Variants in ERMARD observed in about 807,000 individuals in gnomAD.
ERMARD encodes the protein endoplasmic reticulum membrane-associated RNA degradation protein.
ERMARD carries 71 observed loss-of-function variants against 83.9 expected under a neutral mutation model. That is an observed-to-expected ratio of 0.85 (90% confidence interval 0.70 to 1.03). The LOEUF is 1.03. Among genes scored for constraint, ERMARD ranks in the 50% least tolerant of loss-of-function variants. The pLI, the probability that ERMARD is intolerant of heterozygous loss-of-function variation, is 0.00. For missense variants in ERMARD, 838 were observed against 810.9 expected (o/e 1.03, Z -0.41); for synonymous variants, 284 against 298.6 (o/e 0.95, Z 0.50).
At chr6:169,758,090 T>G (rs928994641) in intron 5 of ERMARD, among the ~76,000 whole-genome samples, 13 of 152,218 alleles carry the variant, frequency 8.5e-5, no homozygotes, top group Non-Finnish European at 1.5e-4. Context: ...GTTCCAACAT[T>G]CAGTAGAACT....
chr6:169,773,240 C>A, intron 12 of ERMARD, 79 bp from the exon 13 acceptor site: 1 of 1,151,492 alleles, frequency 8.7e-7, no homozygotes, highest in Non-Finnish European at 1.3e-6. Flanking sequence ...AATGGGGACT[C>A]TAAGTGGCCT....
At chr6:169,775,760 G>A in intron 14 of ERMARD, 180 bp from the exon 15 acceptor site, 3 of 763,926 alleles carry the variant, frequency 3.9e-6, no homozygotes, top group Non-Finnish European at 6.1e-6. Context: ...TTTGCTCTTG[G>A]CATATGGCAT....
chr6:169,766,855 A>C (rs1190891713), intron 10 of ERMARD, among the ~76,000 whole-genome samples, 188 bp downstream of exon 10: 3 of 152,222 alleles, frequency 2.0e-5, no homozygotes, highest in African/African-American at 7.2e-5. Context: ...CAGTGTTACC[A>C]ATCTAGCTCC....
chr6:169,755,463 G>T (rs771286282), intron 3 of ERMARD, 41 bp downstream of exon 3: 1 of 1,610,514 alleles, frequency 6.2e-7, no homozygotes, highest in Admixed American at 1.7e-5. Flanking sequence ...AAGACTGTGC[G>T]AATACTACTT....
intron 12 of ERMARD, chr6:169,771,553 G>A (rs979647546): frequency 6.6e-6 from 1 of 152,168 alleles, no homozygotes; most frequent in Non-Finnish European, 1.5e-5. Context: ...GGCCCTCGTG[G>A]ATTGAGTTAG....
chr6:169,761,825 G>A (rs1038444824), intron 8 of ERMARD, among the ~76,000 whole-genome samples: 1 of 152,038 alleles, frequency 6.6e-6, no homozygotes, highest in African/African-American at 2.4e-5. Flanking sequence ...AGGGACTATA[G>A]GCATGCACCA....
Position 169,775,964 on chromosome 6 carries a change from T to C in ERMARD, c.1419T>C (p.Asn473=), listed in dbSNP as rs570581453. The C allele has an allele frequency of 1.0e-4, 168 of 1,614,094 alleles. 2 individuals carry two copies. The Middle Eastern group carries it at 1.6e-3, about 16-fold the overall frequency. ...GATTAGAAGATAATTCTGAAACAAA[T>C]GCCTGCCACTCTTTGATTACAAAAA... The part of the protein sequence containing the change: ...AVRLEDNSET[N]ACHSLITKMT... Residue 473 remains asparagine (N), a synonymous_variant, in exon 15 of 18, where the codon AAT becomes AAC. Coordinates refer to ENST00000366773, the MANE Select transcript of ERMARD (RefSeq NM_018341.3).
intron 11 of ERMARD, among the ~76,000 whole-genome samples, chr6:169,768,491 C>T (rs1250495666): frequency 6.6e-6 from 1 of 152,228 alleles, no homozygotes; most frequent in African/African-American, 2.4e-5. Flanking sequence ...GGTGCGGTGG[C>T]TCATGCCTAT....
intron 10 of ERMARD, chr6:169,767,792 CATATAA>C: frequency 2.7e-6 from 1 of 364,486 alleles, no homozygotes; most frequent in African/African-American, 2.1e-5. Context: ...GGCACAGTTG[CATATAA>C]ACACACAAAT....
chr6:169,771,523 CA>C, intron 12 of ERMARD: 1 of 152,140 alleles, frequency 6.6e-6, no homozygotes, highest in Non-Finnish European at 1.5e-5. Context: ...ACATACAACC[CA>C]AAAAACAAAT....
chr6:169,756,525 G>A, intron 4 of ERMARD, 86 bp downstream of exon 4: 1 of 1,107,362 alleles, frequency 9.0e-7, no homozygotes, highest in Non-Finnish European at 1.3e-6. Flanking sequence ...CAGTTTTCTT[G>A]ATTATTTTCC....
chr6:169,775,873 C>T (rs1793527661), intron 14 of ERMARD, 67 bp from the exon 15 acceptor site: 1 of 1,573,128 alleles, frequency 6.4e-7, no homozygotes, highest in South Asian at 1.2e-5. Flanking sequence ...ATTGAACATT[C>T]TTGTGCACAG....
intron 17 of ERMARD, among the ~76,000 whole-genome samples, chr6:169,779,960 A>G (rs1365512091): frequency 6.6e-6 from 1 of 152,230 alleles, no homozygotes; most frequent in African/African-American, 2.4e-5. Context: ...GTGTAGCTCC[A>G]GCTCCAGTCT....
chr6:169,776,193 T>C, intron 15 of ERMARD, 128 bp downstream of exon 15: 3 of 1,525,132 alleles, frequency 2.0e-6, no homozygotes, highest in East Asian at 2.3e-5. Flanking sequence ...CTGTTACTGC[T>C]CCAGGAGGAA....
rs1472702916 is a variant in ERMARD, at chr6:169,781,465, A to T, written c.1989A>T (p.Gln663His). Residue 663 changes from glutamine to histidine, a missense_variant, in exon 18 of 18, where the codon CAA (glutamine) becomes CAT (histidine). Gln to His is a conservative substitution (Grantham distance 24). Coordinates refer to ENST00000366773, the MANE Select transcript of ERMARD (RefSeq NM_018341.3). ...LKMWTFSEKKQMLIHLAKKST... is the reference protein window; with the variant it reads ...LKMWTFSEKKHMLIHLAKKST... The stretch of plus-strand genomic sequence containing the variant: ...TGTGGACTTTTAGTGAGAAGAAACA[A>T]ATGTTAATACATTTAGCCAAGAAAT... 6.2e-7 allele frequency: 1 copy of T among 1,610,264 alleles called. No individual in the cohort carries two copies. The highest frequency in any genetic ancestry group is 2.2e-5 in the East Asian group (1 of 44,856).
At chr6:169,757,056 A>C (rs538501596) in intron 5 of ERMARD, among the ~76,000 whole-genome samples, 1 of 152,166 alleles carries the variant, frequency 6.6e-6, no homozygotes, top group Non-Finnish European at 1.5e-5. Flanking sequence ...CTTATTCACT[A>C]TCATGAGAAT....
intron 1 of ERMARD, chr6:169,751,919 A>C (rs1585329738): frequency 3.9e-6 from 2 of 508,760 alleles, no homozygotes; most frequent in East Asian, 7.3e-5. Context: ...CCTGGCCCTG[A>C]GCTGGAACGC....
intron 3 of ERMARD, 45 bp from the exon 4 acceptor site, chr6:169,756,293 G>T: frequency 8.5e-7 from 1 of 1,171,550 alleles, no homozygotes; most frequent in Non-Finnish European, 1.2e-6. Context: ...GCTTTGAGAA[G>T]TAGTTTCAGA....
chr6:169,777,196 C>A (rs539871394), intron 16 of ERMARD, among the ~76,000 whole-genome samples: 45 of 152,296 alleles, frequency 3.0e-4, no homozygotes, highest in Non-Finnish European at 3.1e-4. Flanking sequence ...CTGCATTTTA[C>A]ATAGGGCAGA....
Sources: gnomAD v4.1 joint callset for allele counts (sites outside exome capture counted in the v4.1 genomes callset) on GRCh38, gnomAD v4.1.1 for gene constraint, MANE v1.5 for transcripts, NCBI Gene and HGNC (gene_info 2026-07-23, HGNC 2026-07-21) for gene names.